Variants in CCDC102A observed in about 807,000 individuals in gnomAD.
The protein encoded by CCDC102A is coiled-coil domain-containing protein 102A.
A neutral mutation model predicts 55.5 loss-of-function variants in CCDC102A; 40 were observed. The ratio of observed to expected loss-of-function variants is 0.72; its 90% CI spans 0.56 to 0.94. The LOEUF is 0.94. Ranked by LOEUF, CCDC102A falls within the 40% of genes least tolerant of loss-of-function variation. The pLI is 0.00. For missense variants in CCDC102A, 779 were observed against 768.6 expected (o/e 1.01, Z -0.16); for synonymous variants, 323 against 339.0 (o/e 0.95, Z 0.52).
rs1355209565 is a variant in CCDC102A, at chr16:57,528,713, G to A, written c.465C>T (p.Arg155=). 2 of 1,126,564 alleles carry A rather than the reference G, an allele frequency of 1.8e-6. No homozygotes were observed. Among genetic ancestry groups the A allele is most frequent in the Non-Finnish European group, 2.2e-6 (2 of 915,406 alleles). The allele number at this position is 1,126,564 out of a possible 1,614,324, so 69.8% of individuals were successfully genotyped here. Residue 155 remains arginine, a synonymous_variant, in exon 2 of 9, where the codon CGC becomes CGT. Coordinates refer to ENST00000258214, the MANE Select transcript of CCDC102A (RefSeq NM_033212.4). The stretch of plus-strand genomic sequence containing the variant: ...GGGCGCCCCTCAGCCGCGCCAGCTC[G>A]CGGCCCCGTGCCTCGCACTCGCCCT... ...EAQGECEARG[R]ELARLRGARG...
At chr16:57,526,937 T>G (rs1287393291) in intron 2 of CCDC102A, among the ~76,000 whole-genome samples, 2 of 152,140 alleles carry the variant, frequency 1.3e-5, no homozygotes, top group Non-Finnish European at 1.5e-5. Flanking sequence ...GGCCACAGCA[T>G]GAAAAGGCTG....
In CCDC102A at chr16:57,529,875, C is replaced by A. The variant is rs1219881585; in HGVS notation, c.-147-551G>T. On this transcript the variant is annotated intron_variant, in intron 1 of 8. Transcript: ENST00000258214. The surrounding 1 kb of genome is among the most constrained non-coding windows in gnomAD (Gnocchi z 4.1). Reference sequence around the variant, plus strand: ...GCTGTGAGTTTGCTGTGGTCCAGGACTGGGTCCTGACCACTGTTTTAGTCC... The same window carrying A: ...GCTGTGAGTTTGCTGTGGTCCAGGAATGGGTCCTGACCACTGTTTTAGTCC... Among the ~76,000 whole-genome samples the A allele has an allele frequency of 2.0e-5, 3 of 152,182 alleles. No individual in the cohort carries two copies. The highest frequency in any genetic ancestry group is 7.2e-5 in the African/African-American group (3 of 41,432).
intron 3 of CCDC102A, among the ~76,000 whole-genome samples, chr16:57,525,057 C>G (rs1437541924): frequency 6.6e-6 from 1 of 151,944 alleles, no homozygotes; most frequent in Non-Finnish European, 1.5e-5. Flanking sequence ...ATTCCTTGGC[C>G]CTTGTCCACG....
rs767007002 is a variant in CCDC102A at position 57,518,182 on chromosome 16, C to T, written c.1134G>A (p.Leu378=). 7.4e-6 allele frequency: 12 copies of T among 1,612,580 alleles called. No individual in the cohort carries two copies. The Admixed American group carries it at 2.0e-4, about 27-fold the overall frequency. Residue 378 remains leucine, a synonymous_variant, in exon 6 of 9, where the codon CTG becomes CTA. Transcript: ENST00000258214. ...CCTCCAGGTCTCCGACCTGTGCCCG[C>T]AGCTTCTTGTTCTCCCGCTCAAGGC... is the stretch of plus-strand genomic sequence containing the variant. ...KLGLERENKK[L]RAQVGDLEEA...
At chr16:57,523,407 A>G (rs1057197236) in intron 3 of CCDC102A, among the ~76,000 whole-genome samples, 5 of 152,144 alleles carry the variant, frequency 3.3e-5, no homozygotes, top group African/African-American at 4.8e-5. Context: ...TCCTTGGCCA[A>G]AGATGCAACA....
chr16:57,512,466 G>A lies in CCDC102A; in HGVS notation c.*275C>T. ...GAGGTCATCTGGACTGGGCCTTGGA[G>A]CTGTCCTGTATTTATAAAACCAAAT... On this transcript the variant is annotated 3_prime_UTR_variant, in exon 9 of 9. Coordinates refer to ENST00000258214, the MANE Select transcript of CCDC102A (RefSeq NM_033212.4). 3 of 419,206 alleles carry A rather than the reference G, an allele frequency of 7.2e-6. No individual in the cohort carries two copies. The East Asian group carries it at 1.0e-4, about 15-fold the overall frequency. 26.0% of individuals were successfully genotyped at this position (419,206 alleles called of 1,614,324 possible).
At chr16:57,515,114 C>CT (rs2031929997) in intron 8 of CCDC102A, among the ~76,000 whole-genome samples, 1 of 152,160 alleles carries the variant, frequency 6.6e-6, no homozygotes, top group Admixed American at 6.5e-5. Flanking sequence ...AGCCCTCCTG[C>CT]TAGAGGAGAC....
intron 1 of CCDC102A, among the ~76,000 whole-genome samples, chr16:57,532,867 C>T (rs1175411220): frequency 2.0e-5 from 3 of 152,186 alleles, no homozygotes; most frequent in Admixed American, 6.5e-5. Context: ...GAATGCCAGC[C>T]GGCAGCTGTG....
Position 57,524,350 on chromosome 16 carries a change from G to A in CCDC102A, c.812+1551C>T, listed in dbSNP as rs373784819. Among the ~76,000 whole-genome samples the A allele has an allele frequency of 1.5e-3, 229 of 152,038 alleles. 1 individual carries two copies. The highest frequency in any genetic ancestry group is 5.0e-3 in the African/African-American group (205 of 41,398). Reference sequence around the variant, plus strand: ...GGGATGCTCAGTGCTCTGGAACCCCGACCACCTCCCCACAATGTGAGCTGG... The same window carrying A: ...GGGATGCTCAGTGCTCTGGAACCCCAACCACCTCCCCACAATGTGAGCTGG... On this transcript the variant is annotated intron_variant, in intron 3 of 8. Transcript: ENST00000258214.
intron 2 of CCDC102A, among the ~76,000 whole-genome samples, chr16:57,527,605 A>G (rs961677450): frequency 1.3e-4 from 20 of 152,118 alleles, no homozygotes; most frequent in Non-Finnish European, 2.4e-4. Flanking sequence ...CTTTTAGTAG[A>G]GATGGGGTTT....
chr16:57,524,338 C>T (rs2146707110), intron 3 of CCDC102A, among the ~76,000 whole-genome samples: 1 of 152,080 alleles, frequency 6.6e-6, no homozygotes, highest in East Asian at 1.9e-4. Context: ...ATGCTCAGTG[C>T]TCTGGAACCC....
intron 1 of CCDC102A, among the ~76,000 whole-genome samples, chr16:57,531,403 C>T (rs1456622053): frequency 6.6e-6 from 1 of 152,144 alleles, no homozygotes; most frequent in African/African-American, 2.4e-5. Context: ...CATCCGCCTT[C>T]CATCCACCTT....
intron 3 of CCDC102A, among the ~76,000 whole-genome samples, chr16:57,524,570 C>T (rs1567604034): frequency 7.7e-6 from 1 of 129,188 alleles, no homozygotes. Flanking sequence ...GAGTGAGGCT[C>T]TGTCTAAAAA....
chr16:57,513,396 T>TC (rs2031898816), intron 8 of CCDC102A, among the ~76,000 whole-genome samples: 1 of 152,080 alleles, frequency 6.6e-6, no homozygotes, highest in African/African-American at 2.4e-5. Flanking sequence ...TGCCGATCCC[T>TC]CCCCCAACCC....
Position 57,513,558 on chromosome 16 carries a change from C to T in CCDC102A, c.1524-688G>A, listed in dbSNP as rs141213180. On this transcript the variant is annotated intron_variant, in intron 8 of 8. Transcript: ENST00000258214. ...AAGCACAAAAAGTTGGAAAATAAAA[C>T]GACACAGCGGTCCTGGGTGGCCCCA... is the stretch of plus-strand genomic sequence containing the variant. Among the ~76,000 whole-genome samples the T allele has an allele frequency of 5.2e-3, 786 of 152,338 alleles. 9 individuals carry two copies. The highest frequency in any genetic ancestry group is 0.018 in the African/African-American group (743 of 41,580).
chr16:57,527,827 C>CGCAG (rs2032167639), intron 2 of CCDC102A, among the ~76,000 whole-genome samples: 1 of 152,252 alleles, frequency 6.6e-6, no homozygotes, highest in African/African-American at 2.4e-5. Flanking sequence ...CTAAGTGCTG[C>CGCAG]GTGGGCGCCC....
At chr16:57,522,112 A>G (rs138572468) in intron 3 of CCDC102A, among the ~76,000 whole-genome samples, 5 of 152,376 alleles carry the variant, frequency 3.3e-5, no homozygotes, top group African/African-American at 1.2e-4. Context: ...TGCTCGGGGT[A>G]GAGATGATCT....
chr16:57,534,137 G>C (rs551355279), intron 1 of CCDC102A, among the ~76,000 whole-genome samples: 3 of 152,204 alleles, frequency 2.0e-5, no homozygotes, highest in Admixed American at 6.5e-5. Flanking sequence ...CCAACTCCAG[G>C]AAATGCCTTG....
intron 3 of CCDC102A, among the ~76,000 whole-genome samples, chr16:57,522,068 A>G (rs980380728): frequency 7.2e-5 from 11 of 152,238 alleles, no homozygotes; most frequent in Admixed American, 7.2e-4. Context: ...TGCATCCTGC[A>G]TCCTACTGAA....
Sources: gnomAD v4.1 joint callset for allele counts (sites outside exome capture counted in the v4.1 genomes callset) on GRCh38, gnomAD v4.1.1 for gene constraint, Gnocchi (gnomAD v3.1) non-coding constraint, MANE v1.5 for transcripts, NCBI Gene and HGNC (gene_info 2026-07-23, HGNC 2026-07-21) for gene names.